The following ZNF592 variants were observed in gnomAD, a reference collection of about 807,000 sequenced individuals.
ZNF592 encodes the protein zinc finger protein 592.
In ZNF592, 11 loss-of-function variants were observed where a neutral mutation model predicts 80.3. The ratio of observed to expected loss-of-function variants is 0.14; its 90% CI spans 0.09 to 0.23. The LOEUF is 0.23. Among genes scored for constraint, ZNF592 ranks in the 10% least tolerant of loss-of-function variants. The probability of loss-of-function intolerance (pLI) is 1.00; values close to 1 mark genes in which losing one functional copy is unlikely to be tolerated. For missense variants in ZNF592, 1,420 were observed against 1,633.9 expected (o/e 0.87, Z 2.26); for synonymous variants, 646 against 640.3 (o/e 1.01, Z -0.13).
chr15:84,776,976 T>C (rs562504916), intron 2 of ZNF592, among the ~76,000 whole-genome samples: 8 of 150,408 alleles, frequency 5.3e-5, no homozygotes, highest in African/African-American at 2.0e-4. Context: ...CGCTTGAACC[T>C]GGGAGGCGGA....
chr15:84,749,434 C>T (rs1898948736), intron 1 of ZNF592, among the ~76,000 whole-genome samples: 1 of 152,166 alleles, frequency 6.6e-6, no homozygotes, highest in Non-Finnish European at 1.5e-5. Flanking sequence ...CTCCTGAGTA[C>T]TGCAGGATTA....
intron 1 of ZNF592, among the ~76,000 whole-genome samples, chr15:84,760,732 T>C (rs1182166444): frequency 3.3e-5 from 5 of 152,092 alleles, no homozygotes; most frequent in Non-Finnish European, 7.4e-5. Flanking sequence ...GAGAGGAGGA[T>C]GAAGAGGATG....
intron 3 of ZNF592, 123 bp downstream of exon 3, chr15:84,778,435 A>G (rs1962326152): frequency 6.5e-6 from 1 of 152,846 alleles, no homozygotes. Context: ...TAGCTTTTTA[A>G]TATGCAAATG....
At chr15:84,796,295 A>ATATATATATATATATATAT (rs1567076451) in intron 5 of ZNF592, among the ~76,000 whole-genome samples, 6 of 45,514 alleles carry the variant, frequency 1.3e-4, no homozygotes, top group African/African-American at 3.6e-4. Flanking sequence ...ATATATATAT[A>ATATATATATATATATATAT]AAAAAACGAA....
At position 84,784,481 on chromosome 15, in the gene ZNF592, G is replaced by C; in HGVS notation, c.1806G>C (p.Leu602=). ...CGDAFALEKS[L]SQHYGRRSVH... is the part of the protein sequence containing the mutation. ...ACGCATTTGCCTTAGAGAAGAGCCT[G>C]AGCCAGCACTATGGCCGGCGGAGCG... The change falls in exon 4 of 11, where the codon CTG becomes CTC. Residue 602 remains leucine, a synonymous_variant. Coordinates refer to ENST00000560079, the MANE Select transcript of ZNF592 (RefSeq NM_014630.3). This position sits in a 1 kb window ranked among gnomAD's most constrained non-coding sequence, Gnocchi z 5.8. 1 of 1,614,206 alleles carries C rather than the reference G, an allele frequency of 6.2e-7. No individual in the cohort carries two copies. Among genetic ancestry groups the C allele is most frequent in the Non-Finnish European group, 8.5e-7 (1 of 1,180,046 alleles).
intron 1 of ZNF592, among the ~76,000 whole-genome samples, chr15:84,752,916 G>A (rs916418679): frequency 1.3e-5 from 2 of 152,102 alleles, no homozygotes; most frequent in African/African-American, 4.8e-5. Context: ...AAATGAAACT[G>A]CAGAGTGACA....
In ZNF592 at chr15:84,802,829, GAGA is replaced by G. The variant is rs1274181657; in HGVS notation, c.*439_*441del. On this transcript the variant is annotated 3_prime_UTR_variant, in exon 11 of 11. Transcript: ENST00000560079. Reference sequence around the variant, plus strand: ...GCTCTCCTTCCTGCCTTTAGATCCTGAGAAGGAGGGAAATGAGGGGTGCTGACA... The same window carrying G: ...GCTCTCCTTCCTGCCTTTAGATCCTGAGGAGGGAAATGAGGGGTGCTGACA... 3 of 207,294 alleles carry G rather than the reference GAGA, an allele frequency of 1.4e-5. No homozygotes were observed. The highest frequency in any genetic ancestry group is 3.0e-5 in the Non-Finnish European group (3 of 99,496). 12.8% of individuals were successfully genotyped at this position (207,294 alleles called of 1,614,324 possible). A position where few individuals can be genotyped will look rare whatever the true frequency, so the allele number is the denominator to read the frequency against.
At position 84,784,663 on chromosome 15, in the gene ZNF592, T is replaced by A. The variant is rs551406274; in HGVS notation, c.1988T>A (p.Val663Glu). ...CCTATCTCTGCGGACCAAATGTTCG[T>A]GTCGGCCCCTGTGAACTCCACGGCA... is the stretch of plus-strand genomic sequence containing the variant. The part of the protein sequence containing the change: ...VKPISADQMF[V>E]SAPVNSTAPA... Residue 663 changes from valine to glutamate, a missense_variant, in exon 4 of 11, where the codon GTG becomes GAG. Around this residue, in one of 7 missense-constraint regions of ZNF592, gnomAD observed 524 missense variants for 628.3 expected, o/e 0.83. Transcript: ENST00000560079. This position sits in a 1 kb window ranked among gnomAD's most constrained non-coding sequence, Gnocchi z 5.8. 24 of 1,614,142 alleles carry A rather than the reference T, an allele frequency of 1.5e-5. No homozygotes were observed. In the South Asian group the frequency reaches 2.4e-4, roughly 16 times the overall value.
chr15:84,749,534 C>A (rs1297778808), intron 1 of ZNF592, among the ~76,000 whole-genome samples: 3 of 152,134 alleles, frequency 2.0e-5, no homozygotes, highest in Non-Finnish European at 4.4e-5. Flanking sequence ...ACAGGCCCAC[C>A]CAGGGAAGCA....
intron 4 of ZNF592, among the ~76,000 whole-genome samples, chr15:84,789,845 C>G (rs923490427): frequency 3.8e-4 from 58 of 152,288 alleles, no homozygotes; most frequent in African/African-American, 1.3e-3. Flanking sequence ...ACAGGTGTCC[C>G]CTTTACTAAG....
rs1962477761 is a variant in ZNF592, at chr15:84,783,326, A to G, written c.651A>G (p.Glu217=). Residue 217 remains glutamate, a synonymous_variant, in exon 4 of 11, where the codon GAA becomes GAG. Coordinates refer to ENST00000560079, the MANE Select transcript of ZNF592 (RefSeq NM_014630.3). The surrounding 1 kb of genome is among the most constrained non-coding windows in gnomAD (Gnocchi z 5.0). ...CCCTGCCCTTGGGGAGCCAGCAGGA[A>G]CACGAGCAAAGTGGGCAGAACACAG... ...PEPLPLGSQQ[E]HEQSGQNTVE... 1.9e-6 allele frequency: 3 copies of G among 1,614,266 alleles called. No homozygotes were observed. Among genetic ancestry groups the G allele is most frequent in the Non-Finnish European group, 2.5e-6 (3 of 1,180,048 alleles).
intron 1 of ZNF592, among the ~76,000 whole-genome samples, chr15:84,751,757 T>A (rs1899022307): frequency 6.6e-6 from 1 of 151,926 alleles, no homozygotes; most frequent in Non-Finnish European, 1.5e-5. Context: ...ATATAAAAAT[T>A]AGCTGGGCAT....
intron 2 of ZNF592, among the ~76,000 whole-genome samples, chr15:84,768,971 C>T (rs140755106): frequency 1.4e-4 from 21 of 152,190 alleles, no homozygotes; most frequent in African/African-American, 5.1e-4. Flanking sequence ...GACATGGTGT[C>T]CATCTGTTGC....
intron 1 of ZNF592, among the ~76,000 whole-genome samples, chr15:84,752,575 G>A (rs1899044607): frequency 6.6e-6 from 1 of 152,160 alleles, no homozygotes; most frequent in African/African-American, 2.4e-5. Context: ...CAGTGTTTGG[G>A]GATGAGGCTG....
At chr15:84,787,943 T>C (rs912731563) in intron 4 of ZNF592, among the ~76,000 whole-genome samples, 7 of 152,168 alleles carry the variant, frequency 4.6e-5, no homozygotes, top group African/African-American at 1.7e-4. Flanking sequence ...AGAAATTGGG[T>C]CATGTGTTCT....
At chr15:84,777,306 G>A (rs919879733) in intron 2 of ZNF592, among the ~76,000 whole-genome samples, 3 of 151,806 alleles carry the variant, frequency 2.0e-5, no homozygotes, top group African/African-American at 4.8e-5. Context: ...GCAAAACCCC[G>A]TCTCTACTAA....
intron 1 of ZNF592, among the ~76,000 whole-genome samples, chr15:84,761,113 G>A (rs575358696): frequency 1.3e-5 from 2 of 152,094 alleles, no homozygotes; most frequent in Admixed American, 6.5e-5. Context: ...ACAGGCATGC[G>A]TCACCACACC....
Position 84,798,535 on chromosome 15 carries a change from ACT to A in ZNF592, c.2737-50_2737-49del. On this transcript the variant is annotated intron_variant, in intron 7 of 10. Transcript: ENST00000560079. The surrounding 1 kb of genome is among the most constrained non-coding windows in gnomAD (Gnocchi z 4.5). ...GCACATGCCTCAGGCTGGGGGTCTG[ACT>A]CTGTGCATCTTTCCCCTTGCCCAGT... 6.2e-7 allele frequency: 1 copy of A among 1,613,684 alleles called. No homozygotes were observed. The highest frequency in any genetic ancestry group is 8.5e-7 in the Non-Finnish European group (1 of 1,179,892).
chr15:84,784,467 T>A lies in ZNF592; in HGVS notation c.1792T>A (p.Leu598Ile). ...CCLECGDAFA[L>I]EKSLSQHYGR... The stretch of plus-strand genomic sequence containing the variant: ...CCTGGAGTGTGGAGACGCATTTGCC[T>A]TAGAGAAGAGCCTGAGCCAGCACTA... The change falls in exon 4 of 11, where the codon TTA becomes ATA. Residue 598 changes from leucine (L) to isoleucine (I), a missense_variant. By Grantham distance (5) the Leu-to-Ile change is conservative. Transcript: ENST00000560079. The surrounding 1 kb of genome is among the most constrained non-coding windows in gnomAD (Gnocchi z 5.8). 1 of 1,614,206 alleles carries A rather than the reference T, an allele frequency of 6.2e-7. No homozygotes were observed.
Sources: allele counts gnomAD v4.1 joint callset (sites outside exome capture counted in the v4.1 genomes callset), GRCh38; gene constraint gnomAD v4.1.1; regional missense constraint gnomAD v4.1.1; non-coding constraint Gnocchi (gnomAD v3.1); transcripts MANE v1.5; gene names NCBI Gene and HGNC (gene_info 2026-07-23, HGNC 2026-07-21).